Variants in KSR2 observed in about 807,000 individuals in gnomAD.
KSR2 encodes the protein kinase suppressor of ras 2.
KSR2 carries 25 observed loss-of-function variants against 107.8 expected under a neutral mutation model. The observed-to-expected ratio is 0.23, with a 90% CI of 0.17 to 0.32. The LOEUF is 0.32. Ranked by LOEUF, KSR2 falls within the 10% of genes least tolerant of loss-of-function variation. KSR2 has a pLI of 1.00. For synonymous variants in KSR2, 480 were observed against 507.0 expected (o/e 0.95, Z 0.71); for missense variants, 887 against 1,268.9 (o/e 0.70, Z 4.57).
intron 10 of KSR2, among the ~76,000 whole-genome samples, chr12:117,538,450 G>A (rs893163275): frequency 5.3e-5 from 8 of 151,800 alleles, no homozygotes; most frequent in Non-Finnish European, 1.0e-4. Context: ...TGTGGGTGCC[G>A]CCCAGGTGTG....
At chr12:117,904,611 T>C (rs1894785442) in intron 1 of KSR2, among the ~76,000 whole-genome samples, 1 of 152,194 alleles carries the variant, frequency 6.6e-6, no homozygotes, top group Admixed American at 6.5e-5. Flanking sequence ...GTGTTTTATA[T>C]ACTTTTCCTT....
intron 3 of KSR2, among the ~76,000 whole-genome samples, chr12:117,792,914 GCA>G (rs1223769032): frequency 2.0e-5 from 3 of 149,108 alleles, no homozygotes; most frequent in African/African-American, 7.5e-5. Flanking sequence ...ACACCAACAT[GCA>G]CACACCCTCA....
At chr12:117,781,135 T>C (rs150215122) in intron 3 of KSR2, among the ~76,000 whole-genome samples, 3,284 of 152,004 alleles carry the variant, frequency 0.022, 41 homozygotes, top group East Asian at 0.03. Flanking sequence ...TAAATGGGAG[T>C]TCCCCTGCAC....
At chr12:117,582,760 A>G (rs575550201) in intron 5 of KSR2, among the ~76,000 whole-genome samples, 1 of 152,308 alleles carries the variant, frequency 6.6e-6, no homozygotes, top group East Asian at 1.9e-4. Context: ...AGGGGAAGTC[A>G]CTTGCTCTAG....
chr12:117,825,739 T>G (rs930995237), intron 3 of KSR2, among the ~76,000 whole-genome samples: 1 of 152,074 alleles, frequency 6.6e-6, no homozygotes, highest in Non-Finnish European at 1.5e-5. Context: ...TTTCTAAATC[T>G]CTAGCACTCA....
In KSR2 at chr12:117,968,928, CG is replaced by C; in HGVS notation, c.-674del. Reference sequence around the variant, plus strand: ...TGCTGCTGCTGCCGCCGCCGGGCTCCGGGGGTGACGGTTGCTGCAATCGCTC... The same window carrying C: ...TGCTGCTGCTGCCGCCGCCGGGCTCCGGGGTGACGGTTGCTGCAATCGCTC... On this transcript the variant is annotated 5_prime_UTR_variant, in exon 1 of 20. An upstream open reading frame in the 5' UTR gains an earlier in-frame stop. Coordinates refer to ENST00000339824, the MANE Select transcript of KSR2 (RefSeq NM_173598.6). 18 of 249,740 alleles carry C rather than the reference CG, an allele frequency of 7.2e-5. No homozygotes were observed. The highest frequency in any genetic ancestry group is 1.2e-3 in the Middle Eastern group (1 of 860). 15.5% of individuals were successfully genotyped at this position (249,740 alleles called of 1,614,324 possible).
intron 1 of KSR2, among the ~76,000 whole-genome samples, chr12:117,916,059 G>A (rs931232431): frequency 2.0e-5 from 3 of 151,752 alleles, no homozygotes; most frequent in Non-Finnish European, 2.9e-5. Flanking sequence ...GAAATTTTGA[G>A]GGGCTGAAGA....
intron 12 of KSR2, among the ~76,000 whole-genome samples, chr12:117,527,377 G>A (rs1313829017): frequency 4.0e-5 from 6 of 150,040 alleles, no homozygotes; most frequent in Non-Finnish European, 7.4e-5. Flanking sequence ...AACACAGTGC[G>A]CAAGGACCTT....
intron 1 of KSR2, among the ~76,000 whole-genome samples, chr12:117,929,692 T>C (rs759365261): frequency 5.9e-5 from 9 of 152,168 alleles, no homozygotes; most frequent in Non-Finnish European, 1.0e-4. Flanking sequence ...AGGAATGAAG[T>C]AGTGATATGT....
chr12:117,729,066 G>A (rs769435415), intron 4 of KSR2, among the ~76,000 whole-genome samples: 1 of 152,130 alleles, frequency 6.6e-6, no homozygotes, highest in Non-Finnish European at 1.5e-5. Context: ...CTGCTAGGGG[G>A]CCAAACTCAG....
chr12:117,744,637 G>T (rs1188444095), intron 4 of KSR2, among the ~76,000 whole-genome samples: 1 of 152,156 alleles, frequency 6.6e-6, no homozygotes, highest in African/African-American at 2.4e-5. Flanking sequence ...ACTGACAGCT[G>T]CCCTGCATGG....
intron 5 of KSR2, among the ~76,000 whole-genome samples, chr12:117,663,467 A>C (rs971233174): frequency 5.3e-5 from 8 of 152,224 alleles, no homozygotes; most frequent in Admixed American, 4.6e-4. Context: ...TATTATTAAC[A>C]TGGTTTTCAT....
At chr12:117,814,310 A>G (rs1021818240) in intron 3 of KSR2, among the ~76,000 whole-genome samples, 4 of 152,218 alleles carry the variant, frequency 2.6e-5, no homozygotes, top group Admixed American at 2.0e-4. Flanking sequence ...GATGATGAAT[A>G]TGGTAATTAC....
intron 1 of KSR2, among the ~76,000 whole-genome samples, chr12:117,866,831 A>G (rs538498528): frequency 7.4e-4 from 89 of 120,456 alleles, no homozygotes; most frequent in African/African-American, 3.7e-3. Context: ...CTCAGTCTCA[A>G]AAAAAATTAA....
chr12:117,767,141 C>T (rs73215926), intron 3 of KSR2, among the ~76,000 whole-genome samples: 14,637 of 146,522 alleles, frequency 0.1, 795 homozygotes, highest in East Asian at 0.27. Context: ...AGGCCAGGCG[C>T]GGTGGCTCAC....
chr12:117,727,163 C>G (rs978174535), intron 4 of KSR2, among the ~76,000 whole-genome samples: 1 of 151,658 alleles, frequency 6.6e-6, no homozygotes, highest in Non-Finnish European at 1.5e-5. Flanking sequence ...ACTGCTTGAG[C>G]CAAGGAGTTT....
At chr12:117,838,986 C>A (rs896182123) in intron 3 of KSR2, among the ~76,000 whole-genome samples, 9 of 152,198 alleles carry the variant, frequency 5.9e-5, no homozygotes, top group African/African-American at 2.2e-4. Context: ...ATAGGTATGG[C>A]AGTGTTCCAA....
chr12:117,685,895 C>CA (rs1885549911), intron 4 of KSR2, among the ~76,000 whole-genome samples: 4 of 152,288 alleles, frequency 2.6e-5, no homozygotes, highest in African/African-American at 7.2e-5. Context: ...GCTGATTCCC[C>CA]CCCTGTAAAA....
At chr12:117,553,743 G>A (rs1016645424) in intron 9 of KSR2, among the ~76,000 whole-genome samples, 6 of 151,910 alleles carry the variant, frequency 3.9e-5, no homozygotes, top group African/African-American at 1.2e-4. Flanking sequence ...CTTTTTTTGC[G>A]GTAATGAGTG....
Sources: allele counts gnomAD v4.1 joint callset (sites outside exome capture counted in the v4.1 genomes callset), GRCh38; gene constraint gnomAD v4.1.1; transcripts MANE v1.5; gene names NCBI Gene and HGNC (gene_info 2026-07-23, HGNC 2026-07-21).